The following EIF2AK1 variants were observed in gnomAD, a reference collection of about 807,000 sequenced individuals.
EIF2AK1 encodes eukaryotic translation initiation factor 2-alpha kinase 1.
A neutral mutation model predicts 77.9 loss-of-function variants in EIF2AK1; 54 were observed. The observed-to-expected ratio is 0.69, with a 90% confidence interval of 0.56 to 0.87. The LOEUF (loss-of-function observed/expected upper bound fraction) is 0.87, where lower values mean the gene tolerates loss of function less well. Among genes scored for constraint, EIF2AK1 ranks in the 40% least tolerant of loss-of-function variants. The pLI, the probability that EIF2AK1 is intolerant of heterozygous loss-of-function variation, is 0.00. For synonymous variants in EIF2AK1, 314 were observed against 290.5 expected, an observed-to-expected ratio of 1.08 and a Z score of -0.82; for missense variants, 810 against 768.6, an observed-to-expected ratio of 1.05 and a Z score of -0.64.
rs1054899003 is a variant in EIF2AK1 at position 6,024,534 on chromosome 7, C to T, written c.*139G>A. ...GCTTGTGGGGCAGGAAGGGAAGGAA[C>T]GGCAGCTTGGGGCACTCTGACATCT... On this transcript the variant is annotated 3_prime_UTR_variant, in exon 15 of 15. Coordinates refer to ENST00000199389, the MANE Select transcript of EIF2AK1 (RefSeq NM_014413.4). The T allele has an allele frequency of 1.1e-5, 16 of 1,466,552 alleles. No homozygotes were observed. Among genetic ancestry groups the T allele is most frequent in the African/African-American group, 1.0e-4 (7 of 69,396 alleles). 90.8% of individuals were successfully genotyped at this position (1,466,552 alleles called of 1,614,324 possible).
intron 9 of EIF2AK1, among the ~76,000 whole-genome samples, chr7:6,040,217 T>C (rs1290174205): frequency 1.3e-5 from 2 of 152,060 alleles, no homozygotes. Flanking sequence ...CGCGCCTGGC[T>C]AATTTTTGTA....
In EIF2AK1 at chr7:6,036,873, C is replaced by G. The variant is rs772059279; in HGVS notation, c.1332+551G>C. 5.3e-5 allele frequency among the ~76,000 whole-genome samples: 8 copies of G among 151,932 alleles called. No homozygotes were observed. The highest frequency in any genetic ancestry group is 1.2e-4 in the Non-Finnish European group (8 of 67,962). On this transcript the variant is annotated intron_variant, in intron 11 of 14. Coordinates refer to ENST00000199389, the MANE Select transcript of EIF2AK1 (RefSeq NM_014413.4). The surrounding 1 kb of genome is among the most constrained non-coding windows in gnomAD (Gnocchi z 4.6). ...CTGATTATAGCAGTACTCAGAGCAC[C>G]TGAAAAAAAGTACTTATACTCCACA...
rs1788056010 is a variant in EIF2AK1, at chr7:6,035,626, GC to G, written c.1332+1797del. On this transcript the variant is annotated intron_variant, in intron 11 of 14. Coordinates refer to ENST00000199389, the MANE Select transcript of EIF2AK1 (RefSeq NM_014413.4). This position sits in a 1 kb window ranked among gnomAD's most constrained non-coding sequence, Gnocchi z 5.5. ...CAAGTGAACACTCAAGGGGAAATCA[GC>G]AACAAACGTTCACCACTCCACCTGG... The G allele has an allele frequency of 6.4e-7, 1 of 1,550,750 alleles. No homozygotes were observed. Among genetic ancestry groups the G allele is most frequent in the Non-Finnish European group, 8.7e-7 (1 of 1,147,074 alleles).
chr7:6,024,010 G>C lies in EIF2AK1; in HGVS notation c.*663C>G. On this transcript the variant is annotated 3_prime_UTR_variant, in exon 15 of 15. Coordinates refer to ENST00000199389, the MANE Select transcript of EIF2AK1 (RefSeq NM_014413.4). ...CTACAATAAAGGAGGAAGTACCGGG[G>C]AACAGTGCAGGGCAAAGGCAGGAAA... 7.5e-7 allele frequency: 1 copy of C among 1,333,114 alleles called. No homozygotes were observed. Among genetic ancestry groups the C allele is most frequent in the Non-Finnish European group, 9.8e-7 (1 of 1,018,734 alleles). The allele number at this position is 1,333,114 out of a possible 1,614,324, so 82.6% of individuals were successfully genotyped here.
rs1437313598 is a variant in EIF2AK1, at chr7:6,033,331, A to AT, written c.1332+4092dup. On this transcript the variant is annotated intron_variant, in intron 11 of 14. Coordinates refer to ENST00000199389, the MANE Select transcript of EIF2AK1 (RefSeq NM_014413.4). The surrounding 1 kb of genome is among the most constrained non-coding windows in gnomAD (Gnocchi z 4.4). ...TATAGATTTTTTTTTCAGTTCATAC[A>AT]TTTTTTCCACTTATGTTTGGACTTG... Among the ~76,000 whole-genome samples the AT allele has an allele frequency of 1.3e-5, 2 of 152,062 alleles. No individual in the cohort carries two copies. The highest frequency in any genetic ancestry group is 1.9e-4 in the East Asian group (1 of 5,178).
Position 6,036,208 on chromosome 7 carries a change from G to T in EIF2AK1, c.1332+1216C>A, listed in dbSNP as rs955471577. The stretch of plus-strand genomic sequence containing the variant: ...GCAGGAATCATGCTACCAGAATTCC[G>T]CCTCTTAAGGGACACCCTAATAAAG... On this transcript the variant is annotated intron_variant, in intron 11 of 14. Coordinates refer to ENST00000199389, the MANE Select transcript of EIF2AK1 (RefSeq NM_014413.4). This position sits in a 1 kb window ranked among gnomAD's most constrained non-coding sequence, Gnocchi z 4.6. The T allele has an allele frequency of 1.3e-6, 2 of 1,549,454 alleles. No homozygotes were observed. The highest frequency in any genetic ancestry group is 2.0e-5 in the Admixed American group (1 of 50,814).
chr7:6,035,665 G>A lies in EIF2AK1; in HGVS notation c.1332+1759C>T. On this transcript the variant is annotated intron_variant, in intron 11 of 14. Transcript: ENST00000199389. This position sits in a 1 kb window ranked among gnomAD's most constrained non-coding sequence, Gnocchi z 5.5. ...CCACTCCACCTGGCCATAGCATATGGTTGCTATCCAGTTCTCTCCATTTTG... is the reference window on the plus strand; with the variant it reads ...CCACTCCACCTGGCCATAGCATATGATTGCTATCCAGTTCTCTCCATTTTG... 6.4e-7 allele frequency: 1 copy of A among 1,550,644 alleles called. No homozygotes were observed. The highest frequency in any genetic ancestry group is 8.7e-7 in the Non-Finnish European group (1 of 1,147,054).
chr7:6,026,631 C>G (rs1405597857), intron 14 of EIF2AK1, 97 bp downstream of exon 14: 2 of 947,104 alleles, frequency 2.1e-6, no homozygotes, highest in Admixed American at 3.9e-5. Context: ...GCTCTTCCAG[C>G]CCCAGCCTCC....
intron 1 of EIF2AK1, among the ~76,000 whole-genome samples, 168 bp downstream of exon 1, chr7:6,058,798 G>T (rs184464320): frequency 2.6e-5 from 4 of 152,220 alleles, no homozygotes; most frequent in African/African-American, 9.6e-5. Flanking sequence ...CTTACCCGAC[G>T]GCCCGCCCGC....
chr7:6,029,606 G>A (rs9640010), intron 11 of EIF2AK1, among the ~76,000 whole-genome samples: 42,199 of 152,052 alleles, frequency 0.28, 6,954 homozygotes, highest in East Asian at 0.47. Context: ...TTCTAAATTT[G>A]GAGAATATTA....
rs983816334 is a variant in EIF2AK1, at chr7:6,022,399, T to A, written c.*2274A>T. The A allele has an allele frequency of 6.6e-6, 1 of 152,110 alleles. No homozygotes were observed. The highest frequency in any genetic ancestry group is 2.4e-5 in the African/African-American group (1 of 41,420). The allele number at this position is 152,110 out of a possible 1,614,324, so 9.4% of individuals were successfully genotyped here. A position where few individuals can be genotyped will look rare whatever the true frequency, so the allele number is the denominator to read the frequency against. The stretch of plus-strand genomic sequence containing the variant: ...TTTTGAAGGAGTCAGAAGTTTTATG[T>A]GGATTTTCGACTGCACAGCAGTCGG... On this transcript the variant is annotated 3_prime_UTR_variant, in exon 15 of 15. Coordinates refer to ENST00000199389, the MANE Select transcript of EIF2AK1 (RefSeq NM_014413.4).
In EIF2AK1 at chr7:6,035,051, A is replaced by G. The variant is rs1453268000; in HGVS notation, c.1332+2373T>C. 1.3e-5 allele frequency among the ~76,000 whole-genome samples: 2 copies of G among 152,222 alleles called. No individual in the cohort carries two copies. The highest frequency in any genetic ancestry group is 4.8e-5 in the African/African-American group (2 of 41,468). On this transcript the variant is annotated intron_variant, in intron 11 of 14. Coordinates refer to ENST00000199389, the MANE Select transcript of EIF2AK1 (RefSeq NM_014413.4). This position sits in a 1 kb window ranked among gnomAD's most constrained non-coding sequence, Gnocchi z 5.5. ...CAGAAAGCCAGTAACCCAGCCCAGC[A>G]CTGTGTGAGGTGCCAGACTGCAGAA...
chr7:6,042,832 C>G, intron 8 of EIF2AK1, 101 bp downstream of exon 8: 1 of 964,114 alleles, frequency 1.0e-6, no homozygotes, highest in Admixed American at 2.4e-5. Context: ...TGCCACTGCA[C>G]TCTAGTCTGG....
rs752828974 is a variant in EIF2AK1, at chr7:6,035,241, C to T, written c.1332+2183G>A. 1.3e-5 allele frequency among the ~76,000 whole-genome samples: 2 copies of T among 152,254 alleles called. No homozygotes were observed. The highest frequency in any genetic ancestry group is 2.1e-4 in the South Asian group (1 of 4,822). ...CATAAAATGAAGCTAGGCCCCATCA[C>T]GTAGTGATGCATCCCACCACATCCC... On this transcript the variant is annotated intron_variant, in intron 11 of 14. Transcript: ENST00000199389. This position sits in a 1 kb window ranked among gnomAD's most constrained non-coding sequence, Gnocchi z 5.5.
At chr7:6,046,801 C>T in intron 5 of EIF2AK1, 191 bp downstream of exon 5, 1 of 481,134 alleles carries the variant, frequency 2.1e-6, no homozygotes, top group East Asian at 3.9e-5. Context: ...ACTCGGGAGG[C>T]TGAGGCAGAA....
chr7:6,057,159 G>A (rs1788800765), intron 1 of EIF2AK1, among the ~76,000 whole-genome samples: 1 of 124,418 alleles, frequency 8.0e-6, no homozygotes. Flanking sequence ...TTGAGACAGA[G>A]TCTCACTCTG....
In EIF2AK1 at chr7:6,042,979, T is replaced by C. The variant is rs774747594; in HGVS notation, c.745A>G (p.Ile249Val). 20 of 1,614,052 alleles carry C rather than the reference T, an allele frequency of 1.2e-5. No homozygotes were observed. In the East Asian group the frequency reaches 2.4e-4, roughly 20 times the overall value. ...AGCACTTCCAGAGATGGCAACTCAA[T>C]GGCAGCTCTGTCTGCTGAATGAAAA... ...VIQPRADRAAIELPSLEVLSD... is the reference protein window; with the variant it reads ...VIQPRADRAAVELPSLEVLSD... Residue 249 changes from isoleucine to valine, a missense_variant, in exon 8 of 15, where the codon ATT becomes GTT. Ile to Val is a conservative substitution (Grantham distance 29). Transcript: ENST00000199389.
chr7:6,058,927 G>C (rs1050969795), intron 1 of EIF2AK1, 39 bp downstream of exon 1: 1 of 1,473,770 alleles, frequency 6.8e-7, no homozygotes, highest in Admixed American at 2.4e-5. Flanking sequence ...CAGGTGGACA[G>C]AGAGAGCAGA....
chr7:6,050,063 A>G lies in EIF2AK1; in HGVS notation c.278-18T>C, dbSNP rs766052823. 11 of 1,585,858 alleles carry G rather than the reference A, an allele frequency of 6.9e-6. No individual in the cohort carries two copies. Among genetic ancestry groups the G allele is most frequent in the Middle Eastern group, 1.7e-4 (1 of 5,974 alleles). On this transcript the variant is annotated intron_variant, in intron 2 of 14. Transcript: ENST00000199389. ...GCAAAGTACTATAAAAAGAATATGA[A>G]AAACTATTATTAGAAACATCTTTAA... is the stretch of plus-strand genomic sequence containing the variant.
Sources: allele counts gnomAD v4.1 joint callset (sites outside exome capture counted in the v4.1 genomes callset), GRCh38; gene constraint gnomAD v4.1.1; non-coding constraint Gnocchi (gnomAD v3.1); transcripts MANE v1.5; gene names NCBI Gene and HGNC (gene_info 2026-07-23, HGNC 2026-07-21).